The following BTBD10 variants were observed in gnomAD, a reference collection of about 807,000 sequenced individuals.
The protein encoded by BTBD10 is BTB/POZ domain-containing protein 10.
Under a neutral mutation model 53.2 loss-of-function variants are expected in BTBD10, and 21 were observed. The observed-to-expected ratio is 0.39, with a 90% CI of 0.28 to 0.57. The LOEUF is 0.57. Among genes scored for constraint, BTBD10 ranks in the 20% least tolerant of loss-of-function variants. The pLI, the probability that BTBD10 is intolerant of heterozygous loss-of-function variation, is 0.53. For missense variants in BTBD10, 360 were observed against 594.7 expected, an observed-to-expected ratio of 0.61 and a Z score of 4.10; for synonymous variants, 149 against 192.7, an observed-to-expected ratio of 0.77 and a Z score of 1.88.
chr11:13,421,533 C>T (rs780822874), intron 3 of BTBD10, 109 bp downstream of exon 3: 1 of 885,790 alleles, frequency 1.1e-6, no homozygotes, highest in Non-Finnish European at 1.6e-6. Flanking sequence ...TGAATAGAAG[C>T]AGCTAATTTT....
intron 6 of BTBD10, among the ~76,000 whole-genome samples, chr11:13,408,503 C>G (rs1253602423): frequency 2.0e-5 from 3 of 152,198 alleles, no homozygotes; most frequent in Non-Finnish European, 1.5e-5. Context: ...TTATATCTAA[C>G]CCACATTTCT....
intron 4 of BTBD10, among the ~76,000 whole-genome samples, chr11:13,419,148 G>C (rs1365005157): frequency 6.6e-6 from 1 of 151,700 alleles, no homozygotes; most frequent in East Asian, 1.9e-4. Context: ...AAATTCACCT[G>C]GTTGGATTCA....
Position 13,453,334 on chromosome 11 carries a change from T to A in BTBD10, c.-57-8153A>T, listed in dbSNP as rs190537044. Among the ~76,000 whole-genome samples the A allele has an allele frequency of 7.5e-3, 1,145 of 152,122 alleles. 8 individuals carry two copies. The highest frequency in any genetic ancestry group is 9.0e-3 in the Non-Finnish European group (612 of 67,950). ...AAATACACATACACACACACACTCATCCATGCTTGTATATGTTAAGATAAA... is the reference window on the plus strand; with the variant it reads ...AAATACACATACACACACACACTCAACCATGCTTGTATATGTTAAGATAAA... On this transcript the variant is annotated intron_variant, in intron 1 of 8. Transcript: ENST00000278174.
intron 5 of BTBD10, 40 bp downstream of exon 5, chr11:13,417,118 G>T (rs1178496506): frequency 2.1e-6 from 3 of 1,446,540 alleles, no homozygotes; most frequent in Non-Finnish European, 2.9e-6. Flanking sequence ...CTCCAAGAAG[G>T]CGTCTTATGA....
Position 13,405,822 on chromosome 11 carries a change from A to C in BTBD10, c.843T>G (p.Ala281=). 1 of 1,613,612 alleles carries C rather than the reference A, an allele frequency of 6.2e-7. No individual in the cohort carries two copies. The highest frequency in any genetic ancestry group is 1.7e-5 in the Admixed American group (1 of 60,004). ...ALMHELSNDG[A]RRQFEFYLEE... is the part of the protein sequence containing the mutation. The stretch of plus-strand genomic sequence containing the variant: ...CCAGATAAAATTCAAATTGTCTACG[A>C]GCACCATCATTTGATAACTCATGCA... Residue 281 remains alanine (A), a synonymous_variant, in exon 7 of 9, where the codon GCT becomes GCG. Transcript: ENST00000278174.
At chr11:13,458,487 T>C (rs1477045108) in intron 1 of BTBD10, among the ~76,000 whole-genome samples, 1 of 152,242 alleles carries the variant, frequency 6.6e-6, no homozygotes, top group Non-Finnish European at 1.5e-5. Context: ...GGGGAATCAC[T>C]GGAACAAACT....
chr11:13,451,769 C>T (rs1167390749), intron 1 of BTBD10, among the ~76,000 whole-genome samples: 1 of 151,914 alleles, frequency 6.6e-6, no homozygotes, highest in East Asian at 1.9e-4. Flanking sequence ...CCAAGTTGGC[C>T]CAGATGTTAG....
chr11:13,417,597 A>G (rs1355052029), intron 4 of BTBD10, among the ~76,000 whole-genome samples: 1 of 151,330 alleles, frequency 6.6e-6, no homozygotes, highest in Non-Finnish European at 1.5e-5. Flanking sequence ...TACCAGGAAG[A>G]AAAAAAAAGG....
chr11:13,431,151 T>C (rs1241432928), intron 2 of BTBD10, among the ~76,000 whole-genome samples: 1 of 152,130 alleles, frequency 6.6e-6, no homozygotes, highest in African/African-American at 2.4e-5. Context: ...CTAATAGTCC[T>C]TTCTTTTCAC....
At chr11:13,401,263 G>A (rs981436775) in intron 8 of BTBD10, among the ~76,000 whole-genome samples, 1 of 151,814 alleles carries the variant, frequency 6.6e-6, no homozygotes, top group Non-Finnish European at 1.5e-5. Flanking sequence ...AAGAGTTATG[G>A]CCCAATGCTT....
intron 8 of BTBD10, among the ~76,000 whole-genome samples, chr11:13,399,928 C>T (rs1949667028): frequency 6.6e-6 from 1 of 152,128 alleles, no homozygotes; most frequent in Non-Finnish European, 1.5e-5. Context: ...AGAGGAGTAC[C>T]CGGCCGTGTG....
chr11:13,448,573 T>C (rs1950792522), intron 1 of BTBD10, among the ~76,000 whole-genome samples: 1 of 152,204 alleles, frequency 6.6e-6, no homozygotes, highest in Admixed American at 6.5e-5. Flanking sequence ...TTCTTTTTCA[T>C]TTCCCCACAC....
chr11:13,415,278 A>G (rs975380690), intron 5 of BTBD10, among the ~76,000 whole-genome samples: 1 of 152,208 alleles, frequency 6.6e-6, no homozygotes, highest in Admixed American at 6.5e-5. Context: ...TGACCAACTC[A>G]GTATACCACT....
intron 2 of BTBD10, chr11:13,439,918 A>G: frequency 3.9e-6 from 6 of 1,534,390 alleles, no homozygotes; most frequent in Non-Finnish European, 5.2e-6. Context: ...GACACACAAA[A>G]ACAAGAAAAA....
intron 8 of BTBD10, among the ~76,000 whole-genome samples, chr11:13,392,192 T>C (rs1349120357): frequency 2.0e-5 from 3 of 152,136 alleles, no homozygotes; most frequent in East Asian, 1.9e-4. Context: ...GTTAAAGCAA[T>C]AGTGGAAGCG....
intron 2 of BTBD10, 65 bp downstream of exon 2, chr11:13,444,959 G>C: frequency 7.8e-7 from 1 of 1,278,760 alleles, no homozygotes; most frequent in Non-Finnish European, 1.1e-6. Flanking sequence ...ACCAAATGCA[G>C]TAGTATTCTT....
At chr11:13,413,468 G>T (rs1950012236) in intron 6 of BTBD10, 62 bp downstream of exon 6, 1 of 1,435,276 alleles carries the variant, frequency 7.0e-7, no homozygotes. Context: ...ACTAATTTCA[G>T]GCTTTTTGTT....
chr11:13,397,031 G>A (rs992418825), intron 8 of BTBD10, among the ~76,000 whole-genome samples: 1 of 152,144 alleles, frequency 6.6e-6, no homozygotes, highest in Non-Finnish European at 1.5e-5. Context: ...GCCAGGCTTT[G>A]GTATCAGGAT....
chr11:13,410,985 GT>G (rs1308691494), intron 6 of BTBD10, among the ~76,000 whole-genome samples: 1 of 152,158 alleles, frequency 6.6e-6, no homozygotes, highest in Non-Finnish European at 1.5e-5. Context: ...TAAAGAGAAT[GT>G]TTTTGAACGT....
Sources: allele counts gnomAD v4.1 joint callset (sites outside exome capture counted in the v4.1 genomes callset), GRCh38; gene constraint gnomAD v4.1.1; transcripts MANE v1.5; gene names NCBI Gene and HGNC (gene_info 2026-07-23, HGNC 2026-07-21).